Variants in EVL observed in about 807,000 individuals in gnomAD.
EVL encodes the protein Enah/Vasp-like.
In EVL, 21 loss-of-function variants were observed where a neutral mutation model predicts 59.6. The observed-to-expected ratio is 0.35, with a 90% CI of 0.25 to 0.51. The LOEUF is 0.51. Among genes scored for constraint, EVL ranks in the 20% least tolerant of loss-of-function variants. The probability of loss-of-function intolerance (pLI) is 0.97; values close to 1 mark genes in which losing one functional copy is unlikely to be tolerated. For synonymous variants in EVL, 198 were observed against 203.5 expected (o/e 0.97, Z 0.23); for missense variants, 462 against 546.6 (o/e 0.85, Z 1.54).
intron 3 of EVL, among the ~76,000 whole-genome samples, chr14:100,118,721 A>C (rs1595213379): frequency 6.7e-6 from 1 of 148,948 alleles, no homozygotes; most frequent in African/African-American, 2.5e-5. Context: ...CCACCTCACC[A>C]CCCCTCCCTT....
At chr14:100,009,008 T>C (rs1260754934) in intron 1 of EVL, among the ~76,000 whole-genome samples, 1 of 152,250 alleles carries the variant, frequency 6.6e-6, no homozygotes, top group Non-Finnish European at 1.5e-5. Context: ...AAAGAAAAAT[T>C]AGCTTTTTGA....
chr14:100,099,179 C>CAAAAAAAAA (rs57154685), intron 3 of EVL, among the ~76,000 whole-genome samples: 5 of 51,244 alleles, frequency 9.8e-5, no homozygotes, highest in African/African-American at 1.3e-4. Context: ...CCTGTCTCTA[C>CAAAAAAAAA]AAAAAAAAAA....
At chr14:99,991,683 A>G (rs2060876190) in intron 1 of EVL, among the ~76,000 whole-genome samples, 1 of 152,212 alleles carries the variant, frequency 6.6e-6, no homozygotes, top group Non-Finnish European at 1.5e-5. Flanking sequence ...TTTCGTGGCA[A>G]AGTTATCTCG....
intron 1 of EVL, among the ~76,000 whole-genome samples, chr14:100,017,644 G>A (rs1220980673): frequency 6.6e-6 from 1 of 152,180 alleles, no homozygotes; most frequent in Non-Finnish European, 1.5e-5. Context: ...AGAGTAAGGG[G>A]CAGATCTGGG....
At position 100,046,242 on chromosome 14, in the gene EVL, G is replaced by A. The variant is rs1313934431; in HGVS notation, c.6-38445G>A. ...CATTCAGAAAGTTTTGAATTTTGAA[G>A]TATTTTGAATTTCAGATTTTTGGAT... is the stretch of plus-strand genomic sequence containing the variant. On this transcript the variant is annotated intron_variant, in intron 1 of 13. Coordinates refer to the EVL transcript ENST00000402714. Among the ~76,000 whole-genome samples the A allele has an allele frequency of 2.6e-5, 4 of 152,142 alleles. No individual in the cohort carries two copies. In the East Asian group the frequency reaches 7.7e-4, roughly 29 times the overall value.
chr14:100,101,215 T>C (rs991883948), intron 3 of EVL, among the ~76,000 whole-genome samples: 1 of 152,100 alleles, frequency 6.6e-6, no homozygotes, highest in Admixed American at 6.6e-5. Flanking sequence ...CCGGGCGCGG[T>C]GGCTCACACC....
chr14:100,019,564 C>T, intron 1 of EVL: 1 of 1,039,468 alleles, frequency 9.6e-7, no homozygotes, highest in Non-Finnish European at 1.4e-6. Context: ...GGAAACCCCG[C>T]CTCATTTTTC....
intron 3 of EVL, chr14:100,106,764 T>A (rs374166708): frequency 7.5e-6 from 3 of 398,146 alleles, no homozygotes; most frequent in Admixed American, 4.4e-5. Flanking sequence ...TGCATCTGTG[T>A]CTTGCCTGGT....
At position 100,127,095 on chromosome 14, in the gene EVL, C is replaced by G. The variant is rs967434339; in HGVS notation, c.487+324C>G. The stretch of plus-strand genomic sequence containing the variant: ...AGATGCAGTTCCTGCCCTCAGGAAG[C>G]CCGCTGTCCACTCAAGGAGACAGTG... On this transcript the variant is annotated intron_variant, in intron 5 of 13. Transcript: ENST00000392920. The surrounding 1 kb of genome is among the most constrained non-coding windows in gnomAD (Gnocchi z 4.2). Among the ~76,000 whole-genome samples the G allele has an allele frequency of 1.6e-4, 24 of 152,340 alleles. No individual in the cohort carries two copies. The highest frequency in any genetic ancestry group is 7.2e-4 in the Admixed American group (11 of 15,306).
intron 1 of EVL, among the ~76,000 whole-genome samples, chr14:99,998,940 A>G (rs1404421186): frequency 1.3e-5 from 2 of 152,242 alleles, no homozygotes; most frequent in Middle Eastern, 3.4e-3. Flanking sequence ...GTGGTGTATA[A>G]TATTATGATG....
intron 1 of EVL, among the ~76,000 whole-genome samples, chr14:100,025,987 A>G (rs2061203871): frequency 6.6e-6 from 1 of 152,146 alleles, no homozygotes; most frequent in African/African-American, 2.4e-5. Context: ...ACAGTGGCTC[A>G]CGCTTGTAAT....
chr14:100,103,028 G>A (rs1651985314), intron 3 of EVL, among the ~76,000 whole-genome samples: 1 of 149,702 alleles, frequency 6.7e-6, no homozygotes, highest in Admixed American at 6.7e-5. Context: ...CTTGAACCCG[G>A]AAGAAAAAGG....
intron 13 of EVL, 128 bp downstream of exon 13, chr14:100,141,921 TCA>T: frequency 1.5e-6 from 1 of 673,678 alleles, no homozygotes. Context: ...GTGAGAGATT[TCA>T]TTCTTACCAT....
intron 1 of EVL, chr14:100,074,523 G>C (rs2062119466): frequency 6.6e-6 from 1 of 152,354 alleles, no homozygotes; most frequent in Non-Finnish European, 1.5e-5. Flanking sequence ...TTACCTCCCT[G>C]AAGTCTTGTT....
chr14:100,044,138 T>G (rs981312873), intron 1 of EVL, among the ~76,000 whole-genome samples: 1 of 152,316 alleles, frequency 6.6e-6, no homozygotes, highest in Non-Finnish European at 1.5e-5. Context: ...ACATCTAAAA[T>G]TATCGATCAC....
At chr14:100,007,469 A>C (rs2060989839) in intron 1 of EVL, among the ~76,000 whole-genome samples, 1 of 152,100 alleles carries the variant, frequency 6.6e-6, no homozygotes, top group South Asian at 2.1e-4. Flanking sequence ...TTTTCCTTTC[A>C]CAGGAGGAAC....
intron 1 of EVL, among the ~76,000 whole-genome samples, chr14:100,006,618 C>A (rs1041154010): frequency 5.3e-5 from 8 of 151,996 alleles, no homozygotes; most frequent in Non-Finnish European, 1.2e-4. Flanking sequence ...AGACGAACCC[C>A]AATTCAGTTA....
Position 100,109,643 on chromosome 14 carries a change from T to C in EVL, c.358+11985T>C, listed in dbSNP as rs1213366814. On this transcript the variant is annotated intron_variant, in intron 3 of 13. Transcript: ENST00000392920. The surrounding 1 kb of genome is among the most constrained non-coding windows in gnomAD (Gnocchi z 4.3). Reference sequence around the variant, plus strand: ...GAGTTCCTGAACCAAGACCGCTTGCTGGCCAACCTGTGAAACTGGGCTCAA... The same window carrying C: ...GAGTTCCTGAACCAAGACCGCTTGCCGGCCAACCTGTGAAACTGGGCTCAA... 1 of 528,654 alleles carries C rather than the reference T, an allele frequency of 1.9e-6. No individual in the cohort carries two copies. Among genetic ancestry groups the C allele is most frequent in the South Asian group, 1.4e-5 (1 of 69,976 alleles). The allele number at this position is 528,654 out of a possible 1,614,324, so 32.7% of individuals were successfully genotyped here. A position where few individuals can be genotyped will look rare whatever the true frequency, so the allele number is the denominator to read the frequency against.
intron 1 of EVL, among the ~76,000 whole-genome samples, chr14:100,080,208 A>G (rs993854348): frequency 5.9e-5 from 9 of 152,194 alleles, no homozygotes; most frequent in Non-Finnish European, 1.0e-4. Context: ...CACTAACATT[A>G]ACAATAGCTG....
Sources: gnomAD v4.1 joint callset for allele counts (sites outside exome capture counted in the v4.1 genomes callset) on GRCh38, gnomAD v4.1.1 for gene constraint, Gnocchi (gnomAD v3.1) non-coding constraint, MANE v1.5 for transcripts, NCBI Gene and HGNC (gene_info 2026-07-23, HGNC 2026-07-21) for gene names.